KLHL40: variants seen among roughly 807,000 people sequenced by gnomAD.
The protein encoded by KLHL40 is kelch like family member 40, also known as kelch-like protein 40.
KLHL40 carries 44 observed loss-of-function variants against 49.7 expected under a neutral mutation model. The observed-to-expected ratio is 0.89, with a 90% CI of 0.70 to 1.14. The LOEUF (loss-of-function observed/expected upper bound fraction) is 1.14, where lower values mean the gene tolerates loss of function less well. KLHL40 is among the 50% of genes most tolerant of loss of function. The pLI is 0.00. For missense variants in KLHL40, 892 were observed against 850.3 expected (o/e 1.05, Z -0.61); for synonymous variants, 409 against 365.2 (o/e 1.12, Z -1.37).
intron 1 of KLHL40, among the ~76,000 whole-genome samples, chr3:42,687,055 G>T (rs539793625): frequency 8.5e-5 from 13 of 152,256 alleles, no homozygotes; most frequent in Non-Finnish European, 1.3e-4. Context: ...TTGGGGTGGG[G>T]CACAGTAAGG....
Position 42,690,986 on chromosome 3 carries a change from G to T in KLHL40, c.1735G>T (p.Glu579Ter). 1 of 1,611,362 alleles carries T rather than the reference G, an allele frequency of 6.2e-7. No homozygotes were observed. Among genetic ancestry groups the T allele is most frequent in the South Asian group, 1.1e-5 (1 of 90,684 alleles). ...GGAGTCTGGAGAGCTGGTTCCCACA[G>T]AGCTCAATGACATCTGGAGGTGAGT... ...ETESGELVPT[E>*]LNDIWRYNEE... Residue 579 changes from glutamate to a stop codon, truncating the protein, a stop_gained, in exon 5 of 6, where the codon GAG (glutamate) becomes TAG (stop). Coordinates refer to ENST00000287777, the MANE Select transcript of KLHL40 (RefSeq NM_152393.4). LOFTEE classifies it high-confidence loss of function.
At chr3:42,690,204 A>G (rs867578278) in intron 4 of KLHL40, among the ~76,000 whole-genome samples, 4 of 152,096 alleles carry the variant, frequency 2.6e-5, no homozygotes, top group African/African-American at 4.8e-5. Context: ...GAGAGTGTAA[A>G]TGGGAGGAGC....
In KLHL40 at chr3:42,686,539, T is replaced by G. The variant is rs746903692; in HGVS notation, c.921T>G (p.Asn307Lys). 1.9e-6 allele frequency: 3 copies of G among 1,614,142 alleles called. No individual in the cohort carries two copies. In the Admixed American group the frequency reaches 5.0e-5, roughly 27 times the overall value. Reference sequence around the variant, plus strand: ...AACGTATCCTTCCTGGGATCCTCAATGACACCCTGCGCTTCGGCATGTTCC... The same window carrying G: ...AACGTATCCTTCCTGGGATCCTCAAGGACACCCTGCGCTTCGGCATGTTCC... The part of the protein sequence containing the change: ...EAERILPGIL[N>K]DTLRFGMFLQ... The change falls in exon 1 of 6, where the codon AAT (asparagine) becomes AAG (lysine). Residue 307 changes from asparagine (N) to lysine (K), a missense_variant. Asn to Lys is a moderately conservative substitution (Grantham distance 94). Coordinates refer to ENST00000287777, the MANE Select transcript of KLHL40 (RefSeq NM_152393.4).
chr3:42,685,859 G>A lies in KLHL40; in HGVS notation c.241G>A (p.Val81Met), dbSNP rs754743954. Residue 81 changes from valine to methionine, a missense_variant, in exon 1 of 6, where the codon GTG becomes ATG. Transcript: ENST00000287777. ...ELHLEEVSPD[V>M]VAQVLHYLYT... Reference sequence around the variant, plus strand: ...GCACCTGGAGGAGGTGTCCCCGGACGTGGTGGCCCAGGTGCTGCACTACCT... The same window carrying A: ...GCACCTGGAGGAGGTGTCCCCGGACATGGTGGCCCAGGTGCTGCACTACCT... 3.1e-6 allele frequency: 5 copies of A among 1,613,016 alleles called. No homozygotes were observed. Among genetic ancestry groups the A allele is most frequent in the African/African-American group, 1.3e-5 (1 of 74,938 alleles).
In KLHL40 at chr3:42,688,178, C is replaced by A. The variant is rs770288085; in HGVS notation, c.1189C>A (p.Pro397Thr). The A allele has an allele frequency of 6.2e-7, 1 of 1,613,756 alleles. No individual in the cohort carries two copies. Among genetic ancestry groups the A allele is most frequent in the East Asian group, 2.2e-5 (1 of 44,864 alleles). ...HLDSEWLGMP[P>T]LPSPRCLFGL... ...GGACTCAGAGTGGCTGGGGATGCCACCGCTGCCCTCGCCCCGCTGCCTCTT... is the reference window on the plus strand; with the variant it reads ...GGACTCAGAGTGGCTGGGGATGCCAACGCTGCCCTCGCCCCGCTGCCTCTT... Residue 397 changes from proline to threonine, a missense_variant, in exon 2 of 6, where the codon CCG becomes ACG. Coordinates refer to ENST00000287777, the MANE Select transcript of KLHL40 (RefSeq NM_152393.4). The surrounding 1 kb of genome is among the most constrained non-coding windows in gnomAD (Gnocchi z 4.2).
chr3:42,686,057 C>T lies in KLHL40; in HGVS notation c.439C>T (p.Arg147Cys), dbSNP rs1200091429. The T allele has an allele frequency of 1.2e-6, 2 of 1,605,830 alleles. No homozygotes were observed. The highest frequency in any genetic ancestry group is 1.7e-5 in the Admixed American group (1 of 60,008). ...TCTCGGCCTCCTGCTCGACTGCGCG[C>T]GTCTCGCCGTGGCTGCCCGCGACTT... is the stretch of plus-strand genomic sequence containing the variant. Reference protein sequence around the residue: ...FRLGLLLDCARLAVAARDFIC... With the variant: ...FRLGLLLDCACLAVAARDFIC... The change falls in exon 1 of 6, where the codon CGT becomes TGT. Residue 147 changes from arginine (R) to cysteine (C), a missense_variant. Arg to Cys is a radical substitution (Grantham distance 180, BLOSUM62 -3). Transcript: ENST00000287777.
rs137937929 is a variant in KLHL40 at position 42,690,887 on chromosome 3, G to C, written c.1636G>C (p.Glu546Gln). ...KWAPFEAFPQERSSLSLVSLV... is the reference protein window; with the variant it reads ...KWAPFEAFPQQRSSLSLVSLV... ...GGCACCCTTCGAGGCCTTCCCACAG[G>C]AGCGTAGCTCACTCAGCCTGGTCAG... Residue 546 changes from glutamate (E) to glutamine (Q), a missense_variant, in exon 5 of 6, where the codon GAG becomes CAG. By Grantham distance (29) the Glu-to-Gln change is conservative. Coordinates refer to ENST00000287777, the MANE Select transcript of KLHL40 (RefSeq NM_152393.4). 50 of 1,612,846 alleles carry C rather than the reference G, an allele frequency of 3.1e-5. No homozygotes were observed. The East Asian group carries it at 6.0e-4, about 19-fold the overall frequency.
Position 42,686,244 on chromosome 3 carries a change from C to A in KLHL40, c.626C>A (p.Ala209Glu). Residue 209 changes from alanine (A) to glutamate (E), a missense_variant, in exon 1 of 6, where the codon GCG (alanine) becomes GAG (glutamate). Physicochemically the swap from Ala to Glu is moderately radical, Grantham distance 107. Transcript: ENST00000287777. ...MRWAGSGDAE[A>E]QAERQRALPT... Reference sequence around the variant, plus strand: ...TGGGCGGGTAGCGGCGACGCCGAGGCGCAGGCTGAGCGCCAGCGCGCGCTG... The same window carrying A: ...TGGGCGGGTAGCGGCGACGCCGAGGAGCAGGCTGAGCGCCAGCGCGCGCTG... 1 of 1,554,084 alleles carries A rather than the reference C, an allele frequency of 6.4e-7. No homozygotes were observed. The highest frequency in any genetic ancestry group is 8.7e-7 in the Non-Finnish European group (1 of 1,151,242).
intron 4 of KLHL40, 126 bp from the exon 5 acceptor site, chr3:42,690,733 G>T: frequency 2.2e-6 from 2 of 923,374 alleles, no homozygotes; most frequent in Non-Finnish European, 3.3e-6. Context: ...GAATGGGGTT[G>T]GGGGCATGGG....
chr3:42,689,843 G>A (rs1377259125), intron 4 of KLHL40, among the ~76,000 whole-genome samples: 1 of 152,190 alleles, frequency 6.6e-6, no homozygotes, highest in African/African-American at 2.4e-5. Context: ...GCGGAGGGCT[G>A]AAAGCCTGTA....
rs1187928616 is a variant in KLHL40 at position 42,686,010 on chromosome 3, C to G, written c.392C>G (p.Ser131Cys). The change falls in exon 1 of 6, where the codon TCC (serine) becomes TGC (cysteine). Residue 131 changes from serine (S) to cysteine (C), a missense_variant. By Grantham distance (112) the Ser-to-Cys change is moderately radical (BLOSUM62 -1). Coordinates refer to ENST00000287777, the MANE Select transcript of KLHL40 (RefSeq NM_152393.4). ...TTCCTGCAGAAGCGCCTGTGCCTCT[C>G]CAACTGCTTGGCCGTCTTCCGTCTC... ...VSFLQKRLCL[S>C]NCLAVFRLGL... 1 of 1,610,966 alleles carries G rather than the reference C, an allele frequency of 6.2e-7. No individual in the cohort carries two copies. The highest frequency in any genetic ancestry group is 1.7e-5 in the Admixed American group (1 of 60,036).
Position 42,685,792 on chromosome 3 carries a change from C to T in KLHL40, c.174C>T (p.Phe58=). Residue 58 remains phenylalanine, a synonymous_variant, in exon 1 of 6, where the codon TTC becomes TTT. Transcript: ENST00000287777. The part of the protein sequence containing the change: ...RLVLAACSPY[F]RARFLAEPER... Reference sequence around the variant, plus strand: ...TGCTGGCCGCCTGCAGCCCCTACTTCCGGGCGCGCTTTCTAGCCGAGCCGG... The same window carrying T: ...TGCTGGCCGCCTGCAGCCCCTACTTTCGGGCGCGCTTTCTAGCCGAGCCGG... 6.2e-7 allele frequency: 1 copy of T among 1,612,360 alleles called. No individual in the cohort carries two copies. The highest frequency in any genetic ancestry group is 8.5e-7 in the Non-Finnish European group (1 of 1,179,590).
Position 42,686,128 on chromosome 3 carries a change from C to T in KLHL40, c.510C>T (p.Leu170=). The change falls in exon 1 of 6, where the codon CTC becomes CTT. Residue 170 remains leucine, a synonymous_variant. Transcript: ENST00000287777. ...TGGTGGCGCGCGACGCTGACTTCCT[C>T]GGACTCTCGGCCGACGAGCTCATCG... The part of the protein sequence containing the change: ...FTLVARDADF[L]GLSADELIAI... 1 of 1,599,108 alleles carries T rather than the reference C, an allele frequency of 6.3e-7. No homozygotes were observed. Among genetic ancestry groups the T allele is most frequent in the Non-Finnish European group, 8.5e-7 (1 of 1,178,574 alleles).
Position 42,685,657 on chromosome 3 carries a change from G to T in KLHL40, c.39G>T (p.Leu13Phe), listed in dbSNP as rs1697257526. The change falls in exon 1 of 6, where the codon TTG becomes TTT. Residue 13 changes from leucine to phenylalanine, a missense_variant. By Grantham distance (22) the Leu-to-Phe change is conservative. Coordinates refer to ENST00000287777, the MANE Select transcript of KLHL40 (RefSeq NM_152393.4). ...TGGAGCAGGCGGAGGAGCAGCGGTT[G>T]TACCAGCAGACGCTCCTGCAAGACG... ...LGLEQAEEQR[L>F]YQQTLLQDGL... The T allele has an allele frequency of 3.1e-6, 5 of 1,610,650 alleles. No individual in the cohort carries two copies. Among genetic ancestry groups the T allele is most frequent in the Non-Finnish European group, 4.2e-6 (5 of 1,178,840 alleles).
rs775821505 is a variant in KLHL40, at chr3:42,691,920, G to A, written c.1793G>A (p.Arg598Gln). Residue 598 changes from arginine (R) to glutamine (Q), a missense_variant, in exon 6 of 6, where the codon CGG (arginine) becomes CAG (glutamine). Arg to Gln is a conservative substitution (Grantham distance 43). Coordinates refer to ENST00000287777, the MANE Select transcript of KLHL40 (RefSeq NM_152393.4). ...GAGAAGAAATGGGAGGGTGTCCTGC[G>A]GGAGATCGCCTATGCAGCAGGTGCC... ...EEEKKWEGVL[R>Q]EIAYAAGATF... is the part of the protein sequence containing the mutation. 9.0e-5 allele frequency: 145 copies of A among 1,613,610 alleles called. No homozygotes were observed. The highest frequency in any genetic ancestry group is 1.4e-4 in the South Asian group (13 of 91,076).
rs894967112 is a variant in KLHL40, at chr3:42,686,337, G to A, written c.719G>A (p.Arg240His). The change falls in exon 1 of 6, where the codon CGC becomes CAC. Residue 240 changes from arginine (R) to histidine (H), a missense_variant. Transcript: ENST00000287777. ...PRAFLESRVE[R>H]HPLVRAQPEL... is the part of the protein sequence containing the mutation. ...GCCTTTCTGGAAAGCCGCGTGGAGC[G>A]CCACCCTCTCGTGCGTGCCCAGCCC... The A allele has an allele frequency of 6.2e-7, 1 of 1,611,180 alleles. No individual in the cohort carries two copies. Among genetic ancestry groups the A allele is most frequent in the South Asian group, 1.1e-5 (1 of 90,952 alleles).
In KLHL40 at chr3:42,688,981, A is replaced by G. The variant is rs1279892258; in HGVS notation, c.1534A>G (p.Ile512Val). 1.2e-6 allele frequency: 2 copies of G among 1,614,068 alleles called. No homozygotes were observed. The highest frequency in any genetic ancestry group is 1.3e-5 in the African/African-American group (1 of 74,932). The change falls in exon 4 of 6, where the codon ATT becomes GTT. Residue 512 changes from isoleucine to valine, a missense_variant. Physicochemically the swap from Ile to Val is conservative, Grantham distance 29. Coordinates refer to ENST00000287777, the MANE Select transcript of KLHL40 (RefSeq NM_152393.4). This position sits in a 1 kb window ranked among gnomAD's most constrained non-coding sequence, Gnocchi z 4.2. ...LFGATVHDGR[I>V]IVAAGVTDTG... ...TGGGGCCACTGTCCATGATGGCCGC[A>G]TTATCGTGGCAGCTGGGGTCACCGA...
rs772272126 is a variant in KLHL40, at chr3:42,689,054, A to G, written c.1607A>G (p.Lys536Arg). 2 of 1,609,040 alleles carry G rather than the reference A, an allele frequency of 1.2e-6. No individual in the cohort carries two copies. The highest frequency in any genetic ancestry group is 1.7e-6 in the Non-Finnish European group (2 of 1,176,260). ...SAEVYSITDN[K>R]WAPFEAFPQE... ...GAAGTGTACAGCATCACAGACAACA[A>G]GTATGAAAGCTTGTCCCTTCCGCCA... Residue 536 changes from lysine (K) to arginine (R), a missense_variant and splice_region_variant, in exon 4 of 6, where the codon AAG becomes AGG. Physicochemically the swap from Lys to Arg is conservative, Grantham distance 26. Coordinates refer to ENST00000287777, the MANE Select transcript of KLHL40 (RefSeq NM_152393.4).
chr3:42,688,667 G>A lies in KLHL40; in HGVS notation c.1371G>A (p.Val457=), dbSNP rs142716131. 134 of 1,614,046 alleles carry A rather than the reference G, an allele frequency of 8.3e-5. No individual in the cohort carries two copies. In the African/African-American group the frequency reaches 1.4e-3, roughly 17 times the overall value. Residue 457 remains valine, a synonymous_variant, in exon 3 of 6, where the codon GTG becomes GTA. Coordinates refer to ENST00000287777, the MANE Select transcript of KLHL40 (RefSeq NM_152393.4). The surrounding 1 kb of genome is among the most constrained non-coding windows in gnomAD (Gnocchi z 4.2). The stretch of plus-strand genomic sequence containing the variant: ...CTTACGTGGTGTATGGCCACACAGT[G>A]CTCTCCCACATGGACCTTGTCTACG... ...PLPYVVYGHT[V]LSHMDLVYVI...
Sources: gnomAD v4.1 joint callset for allele counts (sites outside exome capture counted in the v4.1 genomes callset) on GRCh38, gnomAD v4.1.1 for gene constraint, Gnocchi (gnomAD v3.1) non-coding constraint, MANE v1.5 for transcripts, NCBI Gene and HGNC (gene_info 2026-07-23, HGNC 2026-07-21) for gene names.